AKAP6: variants seen among roughly 807,000 people sequenced by gnomAD.
The protein encoded by AKAP6 is A-kinase anchor protein 6.
AKAP6 carries 58 observed loss-of-function variants against 188.5 expected under a neutral mutation model. The observed-to-expected ratio is 0.31, with a 90% CI of 0.25 to 0.38. The LOEUF (loss-of-function observed/expected upper bound fraction) is 0.38, where lower values mean the gene tolerates loss of function less well. Among genes scored for constraint, AKAP6 ranks in the 10% least tolerant of loss-of-function variants. AKAP6 has a pLI of 1.00. For missense variants in AKAP6, 2,710 were observed against 2,740.0 expected, an observed-to-expected ratio of 0.99 and a Z score of 0.24; for synonymous variants, 989 against 998.6, an observed-to-expected ratio of 0.99 and a Z score of 0.18.
At position 32,662,158 on chromosome 14, in the gene AKAP6, T is replaced by C. The variant is rs556469118; in HGVS notation, c.2731-16153T>C. ...TAATAGATTATTTGGAATGAAACTA[T>C]AAAATATAAATAATTATGTAAAATA... On this transcript the variant is annotated intron_variant, in intron 7 of 13. Transcript: ENST00000280979. Among the ~76,000 whole-genome samples the C allele has an allele frequency of 4.6e-5, 7 of 152,242 alleles. No individual in the cohort carries two copies. In the South Asian group the frequency reaches 1.5e-3, roughly 32 times the overall value.
chr14:32,758,122 A>G (rs1269716591), intron 11 of AKAP6, among the ~76,000 whole-genome samples: 1 of 152,170 alleles, frequency 6.6e-6, no homozygotes, highest in Non-Finnish European at 1.5e-5. Context: ...AATGCCTTGG[A>G]GTCACTAGAT....
chr14:32,389,753 T>C (rs1456829502), intron 1 of AKAP6, among the ~76,000 whole-genome samples: 2 of 152,170 alleles, frequency 1.3e-5, no homozygotes, highest in African/African-American at 4.8e-5. Context: ...GGTTACCTGG[T>C]GCTTTTGTCT....
At chr14:32,538,663 G>T (rs1050152334) in intron 3 of AKAP6, among the ~76,000 whole-genome samples, 1 of 152,014 alleles carries the variant, frequency 6.6e-6, no homozygotes, top group African/African-American at 2.4e-5. Flanking sequence ...AAAATATGTT[G>T]TTCTGCAATT....
intron 11 of AKAP6, among the ~76,000 whole-genome samples, chr14:32,758,994 G>A (rs1466171469): frequency 2.6e-5 from 4 of 151,950 alleles, no homozygotes; most frequent in African/African-American, 9.7e-5. Context: ...TGTTTATGTT[G>A]CACCTCCATA....
At chr14:32,495,732 G>A (rs942027654) in intron 2 of AKAP6, among the ~76,000 whole-genome samples, 2 of 152,100 alleles carry the variant, frequency 1.3e-5, no homozygotes, top group Non-Finnish European at 2.9e-5. Flanking sequence ...CCAAAAGGCA[G>A]GCTTTTGTGT....
At chr14:32,710,780 G>C (rs1891022449) in intron 9 of AKAP6, among the ~76,000 whole-genome samples, 1 of 152,034 alleles carries the variant, frequency 6.6e-6, no homozygotes, top group South Asian at 2.1e-4. Flanking sequence ...AATGTATATA[G>C]GGGCTTCACC....
Position 32,822,636 on chromosome 14 carries a change from A to T in AKAP6, c.4823A>T (p.Asp1608Val). Residue 1608 changes from aspartate to valine, a missense_variant, in exon 13 of 14, where the codon GAT becomes GTT. Physicochemically the swap from Asp to Val is radical, Grantham distance 152. Transcript: ENST00000280979. ...SWLTSYKSNEDLFSCHSSGDI... is the reference protein window; with the variant it reads ...SWLTSYKSNEVLFSCHSSGDI... Reference sequence around the variant, plus strand: ...TTGACTTCCTATAAAAGCAATGAAGATCTCTTTAGCTGTCACAGCTCTGGG... The same window carrying T: ...TTGACTTCCTATAAAAGCAATGAAGTTCTCTTTAGCTGTCACAGCTCTGGG... The T allele has an allele frequency of 1.9e-6, 3 of 1,613,992 alleles. No homozygotes were observed. The highest frequency in any genetic ancestry group is 2.5e-6 in the Non-Finnish European group (3 of 1,179,960).
At chr14:32,545,204 G>A in intron 3 of AKAP6, 26 bp from the exon 4 acceptor site, 2 of 1,596,694 alleles carry the variant, frequency 1.3e-6, no homozygotes, top group Non-Finnish European at 1.7e-6. Context: ...TGCATTTACT[G>A]AAACCATTGC....
chr14:32,362,889 G>T (rs10134897), intron 1 of AKAP6, among the ~76,000 whole-genome samples: 25,655 of 152,100 alleles, frequency 0.17, 2,844 homozygotes, highest in African/African-American at 0.31. Flanking sequence ...CAAGACAAGG[G>T]CTGGCATGAG....
intron 1 of AKAP6, among the ~76,000 whole-genome samples, chr14:32,404,201 A>G (rs1466715380): frequency 6.6e-6 from 1 of 152,176 alleles, no homozygotes; most frequent in Admixed American, 6.6e-5. Flanking sequence ...AAAAGGAAAA[A>G]ATGAAATGCA....
At chr14:32,555,847 T>C (rs1163804208) in intron 4 of AKAP6, among the ~76,000 whole-genome samples, 1 of 152,180 alleles carries the variant, frequency 6.6e-6, no homozygotes, top group Non-Finnish European at 1.5e-5. Flanking sequence ...CATCTGCCAG[T>C]GGACAATCTG....
intron 9 of AKAP6, among the ~76,000 whole-genome samples, chr14:32,731,151 C>T (rs1477055555): frequency 6.6e-6 from 1 of 152,142 alleles, no homozygotes; most frequent in Non-Finnish European, 1.5e-5. Context: ...AAATGACTAA[C>T]ATTTGGAGAA....
chr14:32,568,322 A>C lies in AKAP6; in HGVS notation c.2347-8798A>C, dbSNP rs1381408066. ...AACCACTTAATAGCTATAGGACCTT[A>C]AATAAATTACATAACTTCTCTATGC... On this transcript the variant is annotated intron_variant, in intron 4 of 13. Coordinates refer to ENST00000280979, the MANE Select transcript of AKAP6 (RefSeq NM_004274.5). The surrounding 1 kb of genome is among the most constrained non-coding windows in gnomAD (Gnocchi z 6.2). 6.6e-6 allele frequency among the ~76,000 whole-genome samples: 1 copy of C among 152,194 alleles called. No individual in the cohort carries two copies. The highest frequency in any genetic ancestry group is 1.5e-5 in the Non-Finnish European group (1 of 68,028).
At chr14:32,482,136 T>C (rs773989974) in intron 2 of AKAP6, among the ~76,000 whole-genome samples, 1 of 152,182 alleles carries the variant, frequency 6.6e-6, no homozygotes, top group Non-Finnish European at 1.5e-5. Context: ...AACTCCTTAA[T>C]AAACTTCCTG....
chr14:32,621,775 C>T (rs1222472685), intron 7 of AKAP6, among the ~76,000 whole-genome samples: 2 of 152,048 alleles, frequency 1.3e-5, no homozygotes, highest in Non-Finnish European at 2.9e-5. Context: ...GAGTTGAAGT[C>T]ACCCACTATT....
intron 1 of AKAP6, among the ~76,000 whole-genome samples, chr14:32,410,562 G>A (rs551339893): frequency 2.1e-4 from 32 of 152,086 alleles, no homozygotes; most frequent in Non-Finnish European, 4.3e-4. Flanking sequence ...ACAGGCCATG[G>A]TCACTCACGT....
At chr14:32,417,202 A>C (rs1889686815) in intron 1 of AKAP6, among the ~76,000 whole-genome samples, 1 of 152,180 alleles carries the variant, frequency 6.6e-6, no homozygotes. Flanking sequence ...CTATTTTTAA[A>C]AGTTCTGTCC....
At chr14:32,498,183 A>C (rs1880427259) in intron 2 of AKAP6, among the ~76,000 whole-genome samples, 1 of 152,152 alleles carries the variant, frequency 6.6e-6, no homozygotes, top group Admixed American at 6.6e-5. Flanking sequence ...AGCCCACATA[A>C]TGCAAGATTT....
chr14:32,400,775 AAC>A (rs10590921), intron 1 of AKAP6, among the ~76,000 whole-genome samples: 436 of 152,196 alleles, frequency 2.9e-3, no homozygotes, highest in African/African-American at 0.01. Flanking sequence ...TTCTTATTAA[AAC>A]ACAGATTGCT....
Sources: allele counts gnomAD v4.1 joint callset (sites outside exome capture counted in the v4.1 genomes callset), GRCh38; gene constraint gnomAD v4.1.1; non-coding constraint Gnocchi (gnomAD v3.1); transcripts MANE v1.5; gene names NCBI Gene and HGNC (gene_info 2026-07-23, HGNC 2026-07-21).